Variants in KCNG3 observed in about 807,000 individuals in gnomAD.
KCNG3 encodes the protein voltage-gated potassium channel regulatory subunit KCNG3.
Under a neutral mutation model 29.0 loss-of-function variants are expected in KCNG3, and 15 were observed. The ratio of observed to expected loss-of-function variants is 0.52; its 90% CI spans 0.35 to 0.80. The LOEUF (loss-of-function observed/expected upper bound fraction) is 0.80. Ranked by LOEUF, KCNG3 falls within the 30% of genes least tolerant of loss-of-function variation. The pLI is 0.01. For missense variants in KCNG3, 512 were observed against 605.7 expected, an observed-to-expected ratio of 0.85 and a Z score of 1.62; for synonymous variants, 322 against 248.9, an observed-to-expected ratio of 1.29 and a Z score of -2.76.
chr2:42,390,409 T>A, the KCNG3 span, among the ~76,000 whole-genome samples: 5 of 152,146 alleles, frequency 3.3e-5, no homozygotes, highest in East Asian at 5.8e-4. Flanking sequence ...AAAGATTGGC[T>A]TCATTTTCCG....
At chr2:42,481,324 T>C (rs1673578239) in intron 1 of KCNG3, among the ~76,000 whole-genome samples, 1 of 152,124 alleles carries the variant, frequency 6.6e-6, no homozygotes, top group Non-Finnish European at 1.5e-5. Context: ...AACAGGACCT[T>C]TAGCTGCCTG....
the KCNG3 span, among the ~76,000 whole-genome samples, chr2:42,389,950 G>C: frequency 6.6e-6 from 1 of 152,110 alleles, no homozygotes; most frequent in Non-Finnish European, 1.5e-5. Context: ...GCCTATATTT[G>C]TTTCATCAGC....
chr2:42,390,283 G>GA, the KCNG3 span, among the ~76,000 whole-genome samples: 15 of 151,800 alleles, frequency 9.9e-5, no homozygotes, highest in East Asian at 3.9e-4. Context: ...AAAGCTCTAA[G>GA]AAAAAAAATG....
intron 1 of KCNG3, among the ~76,000 whole-genome samples, chr2:42,469,567 A>C (rs890252754): frequency 2.0e-5 from 3 of 152,128 alleles, no homozygotes; most frequent in African/African-American, 7.2e-5. Context: ...CACGTGAATA[A>C]AATTAAATTC....
At chr2:42,400,120 A>G in the KCNG3 span, among the ~76,000 whole-genome samples, 1 of 152,164 alleles carries the variant, frequency 6.6e-6, no homozygotes, top group Non-Finnish European at 1.5e-5. Context: ...AAAAATAAAA[A>G]TATGGGCAGT....
At chr2:42,453,791 T>C (rs1013889815) in intron 1 of KCNG3, among the ~76,000 whole-genome samples, 1 of 152,214 alleles carries the variant, frequency 6.6e-6, no homozygotes, top group East Asian at 1.9e-4. Flanking sequence ...CCTACTTGAA[T>C]GTCCTGGAGA....
chr2:42,465,533 G>A (rs1256423569), intron 1 of KCNG3, among the ~76,000 whole-genome samples: 1 of 152,034 alleles, frequency 6.6e-6, no homozygotes, highest in Admixed American at 6.6e-5. Context: ...GATTTTAGAA[G>A]AAAACACAGG....
the KCNG3 span, chr2:42,425,225 C>T: frequency 6.7e-6 from 1 of 150,104 alleles, no homozygotes; most frequent in Non-Finnish European, 1.5e-5. Flanking sequence ...TGGCAAAAAC[C>T]CGACTCTACT....
chr2:42,403,798 A>G, the KCNG3 span, among the ~76,000 whole-genome samples: 2 of 151,408 alleles, frequency 1.3e-5, no homozygotes, highest in East Asian at 3.9e-4. Context: ...ATGAGGTCTC[A>G]CTATATTGCC....
the KCNG3 span, among the ~76,000 whole-genome samples, chr2:42,394,388 AG>A: frequency 6.6e-6 from 1 of 152,198 alleles, no homozygotes; most frequent in Non-Finnish European, 1.5e-5. Flanking sequence ...TCCCTCCCAC[AG>A]GGGAGTTTTC....
intron 1 of KCNG3, among the ~76,000 whole-genome samples, chr2:42,446,050 C>G (rs1672589841): frequency 6.6e-6 from 1 of 151,960 alleles, no homozygotes; most frequent in Admixed American, 6.6e-5. Context: ...CTTGAAGAAG[C>G]CTGCATCCTG....
intron 1 of KCNG3, among the ~76,000 whole-genome samples, chr2:42,471,885 CAAA>C (rs59566876): frequency 6.3e-5 from 4 of 63,912 alleles, no homozygotes; most frequent in Admixed American, 3.5e-4. Context: ...CCCTGTATCT[CAAA>C]AAAAAAAAAA....
chr2:42,399,258 CG>C, the KCNG3 span, among the ~76,000 whole-genome samples: 1 of 151,828 alleles, frequency 6.6e-6, no homozygotes, highest in Non-Finnish European at 1.5e-5. Context: ...GATCTTGCCC[CG>C]TTGGCCCAGG....
intron 1 of KCNG3, among the ~76,000 whole-genome samples, chr2:42,470,889 G>C (rs1572855853): frequency 6.7e-6 from 1 of 149,766 alleles, no homozygotes; most frequent in East Asian, 2.0e-4. Flanking sequence ...AGGTGGCGTG[G>C]CTCTCACACC....
chr2:42,476,989 T>C (rs1673442031), intron 1 of KCNG3, among the ~76,000 whole-genome samples: 1 of 146,838 alleles, frequency 6.8e-6, no homozygotes, highest in Non-Finnish European at 1.5e-5. Context: ...ATCGAGACCA[T>C]CCTGGCTAAC....
intron 1 of KCNG3, among the ~76,000 whole-genome samples, chr2:42,470,886 G>A (rs60631083): frequency 0.11 from 16,472 of 151,080 alleles, 1,100 homozygotes; most frequent in South Asian, 0.21. Context: ...GCCAGGTGGC[G>A]TGGCTCTCAC....
chr2:42,449,506 T>C (rs1409432720), intron 1 of KCNG3, among the ~76,000 whole-genome samples: 2 of 140,734 alleles, frequency 1.4e-5, no homozygotes, highest in African/African-American at 5.2e-5. Context: ...GTTAAGCCAC[T>C]GAGATTTCTT....
the KCNG3 span, among the ~76,000 whole-genome samples, chr2:42,390,663 C>A: frequency 6.6e-6 from 1 of 152,144 alleles, no homozygotes; most frequent in East Asian, 1.9e-4. Context: ...TGGACTTATT[C>A]CTCACCTTTC....
At chr2:42,474,447 G>A (rs963384250) in intron 1 of KCNG3, among the ~76,000 whole-genome samples, 29 of 152,130 alleles carry the variant, frequency 1.9e-4, no homozygotes, top group Non-Finnish European at 2.9e-5. Context: ...AGAATCGCTT[G>A]AACCCAGGAG....
Sources: gnomAD v4.1 joint callset for allele counts (sites outside exome capture counted in the v4.1 genomes callset) on GRCh38, gnomAD v4.1.1 for gene constraint, MANE v1.5 for transcripts, NCBI Gene and HGNC (gene_info 2026-07-23, HGNC 2026-07-21) for gene names.